Variants in NT5DC1 observed in about 807,000 individuals in gnomAD.
The protein encoded by NT5DC1 is 5'-nucleotidase domain-containing protein 1.
NT5DC1 carries 42 observed loss-of-function variants against 59.4 expected under a neutral mutation model. The observed-to-expected ratio is 0.71, with a 90% CI of 0.55 to 0.92. The LOEUF is 0.92. Among genes scored for constraint, NT5DC1 ranks in the 40% least tolerant of loss-of-function variants. NT5DC1 has a pLI of 0.00. For missense variants in NT5DC1, 501 were observed against 537.1 expected (o/e 0.93, Z 0.66); for synonymous variants, 172 against 188.1 (o/e 0.91, Z 0.70).
chr6:116,101,101 C>A, intron 1 of NT5DC1, 78 bp downstream of exon 1: 1 of 1,058,488 alleles, frequency 9.4e-7, no homozygotes, highest in African/African-American at 1.7e-5. Context: ...CAGGTTTGGG[C>A]AACGGCGGAC....
At position 116,233,841 on chromosome 6, in the gene NT5DC1, A is replaced by G. The variant is rs576726322; in HGVS notation, c.803-3125A>G. 2.0e-5 allele frequency among the ~76,000 whole-genome samples: 3 copies of G among 152,320 alleles called. No homozygotes were observed. The East Asian group carries it at 5.8e-4, about 29-fold the overall frequency. On this transcript the variant is annotated intron_variant, in intron 8 of 11. Transcript: ENST00000319550. ...TTATCTGTATTAATTTATTTACACA[A>G]CCACTCTGTGAGGTAAGCATTGTTA...
rs140798772 is a variant in NT5DC1 at position 116,204,583 on chromosome 6, G to A, written c.530-16471G>A. Among the ~76,000 whole-genome samples, 17 of 151,952 alleles carry A rather than the reference G, an allele frequency of 1.1e-4. No homozygotes were observed. In the East Asian group the frequency reaches 2.5e-3, roughly 23 times the overall value. On this transcript the variant is annotated intron_variant, in intron 6 of 11. Transcript: ENST00000319550. ...CAGTGTAAATATTAAGATTAGAAAC[G>A]CAGATATGCAATGAGCCAGCCGTTT... is the stretch of plus-strand genomic sequence containing the variant.
intron 1 of NT5DC1, among the ~76,000 whole-genome samples, chr6:116,106,009 T>G (rs1778760047): frequency 6.6e-6 from 1 of 152,194 alleles, no homozygotes; most frequent in South Asian, 2.1e-4. Context: ...ATAATTGTCT[T>G]TGGTTGTATA....
chr6:116,115,925 A>T (rs879450805), intron 5 of NT5DC1, among the ~76,000 whole-genome samples, 155 bp downstream of exon 5: 2 of 152,172 alleles, frequency 1.3e-5, no homozygotes, highest in Non-Finnish European at 2.9e-5. Flanking sequence ...ATTTGGTTCA[A>T]ATATTTTTGG....
intron 6 of NT5DC1, among the ~76,000 whole-genome samples, chr6:116,197,415 T>A (rs924617431): frequency 3.3e-5 from 5 of 151,996 alleles, no homozygotes; most frequent in African/African-American, 9.7e-5. Flanking sequence ...CTAAGCAGAA[T>A]TGAATCATTG....
At chr6:116,141,624 G>T (rs1200667519) in intron 6 of NT5DC1, among the ~76,000 whole-genome samples, 1 of 151,830 alleles carries the variant, frequency 6.6e-6, no homozygotes, top group Non-Finnish European at 1.5e-5. Context: ...TCTTTTAATA[G>T]AATTTCTGAT....
At chr6:116,108,838 A>G (rs886573120) in intron 3 of NT5DC1, among the ~76,000 whole-genome samples, 1 of 152,166 alleles carries the variant, frequency 6.6e-6, no homozygotes, top group Non-Finnish European at 1.5e-5. Context: ...TTGGTGGTCT[A>G]TACCCACCAC....
At chr6:116,178,273 C>T (rs1780797229) in intron 6 of NT5DC1, among the ~76,000 whole-genome samples, 1 of 152,070 alleles carries the variant, frequency 6.6e-6, no homozygotes, top group South Asian at 2.1e-4. Context: ...TAACCAGGCC[C>T]GACCCTGCTT....
chr6:116,231,788 T>A (rs1394648133), intron 8 of NT5DC1, among the ~76,000 whole-genome samples: 1 of 152,194 alleles, frequency 6.6e-6, no homozygotes, highest in Non-Finnish European at 1.5e-5. Flanking sequence ...TAAAATAGAA[T>A]GAAATGCACA....
intron 6 of NT5DC1, among the ~76,000 whole-genome samples, chr6:116,203,573 A>G (rs1781388789): frequency 6.6e-6 from 1 of 151,810 alleles, no homozygotes; most frequent in South Asian, 2.1e-4. Flanking sequence ...TTGCTGTACA[A>G]TATGCCATTA....
At chr6:116,133,462 T>C (rs914533898) in intron 6 of NT5DC1, among the ~76,000 whole-genome samples, 1 of 152,214 alleles carries the variant, frequency 6.6e-6, no homozygotes, top group Non-Finnish European at 1.5e-5. Flanking sequence ...ATCTATAGTG[T>C]ACAAAGTAAA....
chr6:116,212,017 A>G (rs1254876913), intron 6 of NT5DC1, among the ~76,000 whole-genome samples: 3 of 152,082 alleles, frequency 2.0e-5, no homozygotes, highest in Admixed American at 6.6e-5. Flanking sequence ...TCCTCAAGCA[A>G]TGTTGCAGAG....
intron 6 of NT5DC1, among the ~76,000 whole-genome samples, chr6:116,175,926 T>C (rs1298540210): frequency 6.6e-6 from 1 of 152,192 alleles, no homozygotes; most frequent in Non-Finnish European, 1.5e-5. Context: ...GATTAACTTG[T>C]CTTTTAGCGC....
rs905999200 is a variant in NT5DC1 at position 116,106,293 on chromosome 6, A to T, written c.143A>T (p.Asp48Val). Reference protein sequence around the residue: ...AQFLVKEKGYDKELLNVTPED... With the variant: ...AQFLVKEKGYVKELLNVTPED... ...TTCCTAGTTAAGGAGAAAGGGTACG[A>T]TAAGGAATTGCTCAATGTGACCCCA... Residue 48 changes from aspartate to valine, a missense_variant, in exon 2 of 12, where the codon GAT (aspartate) becomes GTT (valine). Transcript: ENST00000319550. 6.3e-7 allele frequency: 1 copy of T among 1,588,634 alleles called. No homozygotes were observed. Among genetic ancestry groups the T allele is most frequent in the African/African-American group, 1.3e-5 (1 of 74,110 alleles).
Position 116,111,038 on chromosome 6 carries a change from C to G in NT5DC1, c.364+82C>G, listed in dbSNP as rs566220375. On this transcript the variant is annotated intron_variant, in intron 4 of 11. Coordinates refer to ENST00000319550, the MANE Select transcript of NT5DC1 (RefSeq NM_152729.3). The stretch of plus-strand genomic sequence containing the variant: ...ACCTTTGATGTCAGGACAAAGAAGA[C>G]CCCCCTTTCCCCTGCTGGGCAGGAT... 18 of 883,962 alleles carry G rather than the reference C, an allele frequency of 2.0e-5. No homozygotes were observed. The South Asian group carries it at 2.7e-4, about 13-fold the overall frequency. The allele number at this position is 883,962 out of a possible 1,614,324, so 54.8% of individuals were successfully genotyped here. A position where few individuals can be genotyped will look rare whatever the true frequency, so the allele number is the denominator to read the frequency against.
At chr6:116,113,732 G>T (rs755290128) in intron 4 of NT5DC1, among the ~76,000 whole-genome samples, 2 of 152,154 alleles carry the variant, frequency 1.3e-5, no homozygotes, top group African/African-American at 4.8e-5. Context: ...TTAGAACTCA[G>T]CCCTTACTCA....
chr6:116,170,749 A>G (rs762616521), intron 6 of NT5DC1, among the ~76,000 whole-genome samples: 31 of 152,186 alleles, frequency 2.0e-4, no homozygotes, highest in Admixed American at 9.8e-4. Context: ...TGCTGGTACT[A>G]GGAAATACCT....
intron 8 of NT5DC1, 81 bp downstream of exon 8, chr6:116,223,212 C>A: frequency 1.4e-6 from 1 of 693,574 alleles, no homozygotes; most frequent in Non-Finnish European, 2.5e-6. Flanking sequence ...GCATGCAATG[C>A]CATGTCTTCT....
In NT5DC1 at chr6:116,136,506, AATG is replaced by A. The variant is rs1283413724; in HGVS notation, c.529+18563_529+18565del. On this transcript the variant is annotated intron_variant, in intron 6 of 11. Coordinates refer to ENST00000319550, the MANE Select transcript of NT5DC1 (RefSeq NM_152729.3). ...GAAGAAAATGAAGCTTATTAAGTGGAATGACTCATCCAAGGTCATTTAGCTGGT... is the reference window on the plus strand; with the variant it reads ...GAAGAAAATGAAGCTTATTAAGTGGAACTCATCCAAGGTCATTTAGCTGGT... 8.5e-5 allele frequency among the ~76,000 whole-genome samples: 13 copies of A among 152,088 alleles called. No individual in the cohort carries two copies. In the South Asian group the frequency reaches 2.7e-3, roughly 32 times the overall value.
Sources: allele counts gnomAD v4.1 joint callset (sites outside exome capture counted in the v4.1 genomes callset), GRCh38; gene constraint gnomAD v4.1.1; transcripts MANE v1.5; gene names NCBI Gene and HGNC (gene_info 2026-07-23, HGNC 2026-07-21).